The following CDC25A variants were observed in gnomAD, a reference collection of about 807,000 sequenced individuals.
CDC25A encodes cell division cycle 25A, also known as M-phase inducer phosphatase 1.
Under a neutral mutation model 64.6 loss-of-function variants are expected in CDC25A, and 17 were observed. The observed-to-expected ratio is 0.26, with a 90% CI of 0.18 to 0.39. The LOEUF is 0.39. CDC25A is among the 10% of genes least tolerant of loss of function. The pLI, the probability that CDC25A is intolerant of heterozygous loss-of-function variation, is 1.00. For synonymous variants in CDC25A, 229 were observed against 238.6 expected (o/e 0.96, Z 0.37); for missense variants, 473 against 654.8 (o/e 0.72, Z 3.03).
intron 9 of CDC25A, among the ~76,000 whole-genome samples, chr3:48,171,937 C>T (rs1426707030): frequency 6.6e-6 from 1 of 152,204 alleles, no homozygotes; most frequent in Non-Finnish European, 1.5e-5. Context: ...GGGAGGACTG[C>T]TTGAGCCCAG....
At chr3:48,175,599 A>G (rs182563096) in intron 8 of CDC25A, among the ~76,000 whole-genome samples, 26 of 152,214 alleles carry the variant, frequency 1.7e-4, no homozygotes, top group African/African-American at 6.0e-4. Context: ...TTTTGTGTGA[A>G]GTTTATTTTC....
At chr3:48,173,270 G>C (rs1447945430) in intron 9 of CDC25A, among the ~76,000 whole-genome samples, 1 of 150,002 alleles carries the variant, frequency 6.7e-6, no homozygotes, top group Admixed American at 6.6e-5. Flanking sequence ...GGCCATGATA[G>C]GTCTGGATTA....
intron 1 of CDC25A, 110 bp downstream of exon 1, chr3:48,187,668 A>G: frequency 9.0e-7 from 1 of 1,111,322 alleles, no homozygotes; most frequent in Non-Finnish European, 1.2e-6. Context: ...CGAGCGGCGA[A>G]CCCGGACGGA....
intron 8 of CDC25A, among the ~76,000 whole-genome samples, chr3:48,175,572 C>G (rs556790325): frequency 6.6e-6 from 1 of 152,134 alleles, no homozygotes; most frequent in East Asian, 1.9e-4. Flanking sequence ...CCATAGAGAC[C>G]GGGGATTTTC....
rs1203504897 is a variant in CDC25A at position 48,158,937 on chromosome 3, T to C, written c.*8A>G. The C allele has an allele frequency of 6.2e-7, 1 of 1,613,882 alleles. No individual in the cohort carries two copies. Among genetic ancestry groups the C allele is most frequent in the African/African-American group, 1.3e-5 (1 of 74,918 alleles). On this transcript the variant is annotated 3_prime_UTR_variant, in exon 15 of 15. Transcript: ENST00000302506. ...AGCTTGGGCTGCTGCTGGCTGGTCCTGCCGCCCTCAGAGCTTCTTCAGACG... is the reference window on the plus strand; with the variant it reads ...AGCTTGGGCTGCTGCTGGCTGGTCCCGCCGCCCTCAGAGCTTCTTCAGACG...
intron 10 of CDC25A, among the ~76,000 whole-genome samples, chr3:48,167,381 AG>A (rs2106706050): frequency 6.6e-6 from 1 of 152,362 alleles, no homozygotes; most frequent in African/African-American, 2.4e-5. Flanking sequence ...TCAGGCTATT[AG>A]AAGATCTTCC....
Position 48,167,839 on chromosome 3 carries a change from C to A in CDC25A, c.1029+7G>T. The stretch of plus-strand genomic sequence containing the variant: ...ACACTTGCCAGAGCAGCTCTGCTTG[C>A]AATTACCTTGGAGAAGTCTCCTATA... On this transcript the variant is annotated splice_region_variant and intron_variant, in intron 10 of 14. Coordinates refer to ENST00000302506, the MANE Select transcript of CDC25A (RefSeq NM_001789.3). 6.8e-7 allele frequency: 1 copy of A among 1,468,818 alleles called. No homozygotes were observed. Among genetic ancestry groups the A allele is most frequent in the South Asian group, 1.1e-5 (1 of 88,094 alleles). 91.0% of individuals were successfully genotyped at this position (1,468,818 alleles called of 1,614,324 possible). A position where few individuals can be genotyped will look rare whatever the true frequency, so the allele number is the denominator to read the frequency against.
At chr3:48,183,755 A>G in intron 4 of CDC25A, 45 bp downstream of exon 4, 1 of 1,243,808 alleles carries the variant, frequency 8.0e-7, no homozygotes, top group Non-Finnish European at 1.2e-6. Context: ...TAGCTAAGGA[A>G]CAGATAACAG....
intron 9 of CDC25A, among the ~76,000 whole-genome samples, chr3:48,169,294 G>A (rs2032177751): frequency 6.6e-6 from 1 of 152,160 alleles, no homozygotes; most frequent in African/African-American, 2.4e-5. Context: ...CTGAAACCCT[G>A]GTGAAATGAA....
In CDC25A at chr3:48,180,734, G is replaced by A. The variant is rs752459968; in HGVS notation, c.536C>T (p.Ala179Val). 6.2e-7 allele frequency: 1 copy of A among 1,614,048 alleles called. No individual in the cohort carries two copies. The highest frequency in any genetic ancestry group is 8.5e-7 in the Non-Finnish European group (1 of 1,179,930). ...CAGAGCACATACCATCCGAGCTGGG[G>A]CAGAGTTCTGCCTCTGTGTGAAGAG... ...KDLFTQRQNS[A>V]PARMLSSNER... The change falls in exon 6 of 15, where the codon GCC becomes GTC. Residue 179 changes from alanine to valine, a missense_variant. This residue lies in a region of CDC25A where 376 missense variants were observed against 431.9 expected (regional missense o/e 0.87). Transcript: ENST00000302506.
At chr3:48,172,849 G>C (rs2032317618) in intron 9 of CDC25A, among the ~76,000 whole-genome samples, 1 of 151,942 alleles carries the variant, frequency 6.6e-6, no homozygotes, top group South Asian at 2.1e-4. Context: ...GGGTGACAGA[G>C]AGACCCTGTC....
intron 8 of CDC25A, among the ~76,000 whole-genome samples, chr3:48,176,396 T>G (rs1305834128): frequency 6.6e-6 from 1 of 151,740 alleles, no homozygotes; most frequent in Non-Finnish European, 1.5e-5. Flanking sequence ...CATGTGTATG[T>G]GTGTGTATAT....
rs1282360306 is a variant in CDC25A at position 48,158,631 on chromosome 3, G to A, written c.*314C>T. ...TCCGTCTCCTCTCCCCTCATGAGAT[G>A]GCTGGAGCCCGATAAGGCCCCGGCT... On this transcript the variant is annotated 3_prime_UTR_variant, in exon 15 of 15. Coordinates refer to ENST00000302506, the MANE Select transcript of CDC25A (RefSeq NM_001789.3). 8.0e-6 allele frequency: 2 copies of A among 249,952 alleles called. No individual in the cohort carries two copies. Among genetic ancestry groups the A allele is most frequent in the East Asian group, 7.9e-5 (1 of 12,664 alleles). The allele number at this position is 249,952 out of a possible 1,614,324, so 15.5% of individuals were successfully genotyped here. A position where few individuals can be genotyped will look rare whatever the true frequency, so the allele number is the denominator to read the frequency against.
At position 48,174,378 on chromosome 3, in the gene CDC25A, G is replaced by A; in HGVS notation, c.836C>T (p.Ser279Phe). 6.2e-7 allele frequency: 1 copy of A among 1,614,158 alleles called. No homozygotes were observed. The highest frequency in any genetic ancestry group is 1.6e-4 in the Middle Eastern group (1 of 6,062). ...ACTTCCAGGTGGAGACTCCTCTTGA[G>A]ATCGTTCTGGTCTCTTCAACACTGA... Reference protein sequence around the residue: ...TRSVLKRPERSQEESPPGSTK... With the variant: ...TRSVLKRPERFQEESPPGSTK... The change falls in exon 9 of 15, where the codon TCT becomes TTT. Residue 279 changes from serine to phenylalanine, a missense_variant. Ser to Phe is a radical substitution (Grantham distance 155). This residue lies in a region of CDC25A where 376 missense variants were observed against 431.9 expected (regional missense o/e 0.87). Coordinates refer to ENST00000302506, the MANE Select transcript of CDC25A (RefSeq NM_001789.3).
intron 9 of CDC25A, among the ~76,000 whole-genome samples, chr3:48,169,057 T>C (rs2032168570): frequency 1.3e-5 from 2 of 152,228 alleles, no homozygotes. Flanking sequence ...TTAAATGTTT[T>C]AACCCATGAA....
chr3:48,175,839 C>T (rs1166353938), intron 8 of CDC25A, among the ~76,000 whole-genome samples: 1 of 152,202 alleles, frequency 6.6e-6, no homozygotes, highest in Admixed American at 6.5e-5. Context: ...AAAAGCTATG[C>T]ACATGAATGT....
At chr3:48,186,226 C>T (rs1009816245) in intron 2 of CDC25A, among the ~76,000 whole-genome samples, 2 of 152,166 alleles carry the variant, frequency 1.3e-5, no homozygotes, top group African/African-American at 4.8e-5. Context: ...CATTTGAAAC[C>T]TATTTCCTTT....
In CDC25A at chr3:48,157,374, T is replaced by C. The variant is rs1161206948; in HGVS notation, c.*1571A>G. Reference sequence around the variant, plus strand: ...AGGAAGAAGTCCTCTCCCCCACATTTTTCCCAACAAGATTGTTTTATAGCC... The same window carrying C: ...AGGAAGAAGTCCTCTCCCCCACATTCTTCCCAACAAGATTGTTTTATAGCC... On this transcript the variant is annotated 3_prime_UTR_variant, in exon 15 of 15. Coordinates refer to ENST00000302506, the MANE Select transcript of CDC25A (RefSeq NM_001789.3). 6.6e-6 allele frequency: 1 copy of C among 152,544 alleles called. No individual in the cohort carries two copies. The highest frequency in any genetic ancestry group is 1.5e-5 in the Non-Finnish European group (1 of 68,020). The allele number at this position is 152,544 out of a possible 1,614,324, so 9.4% of individuals were successfully genotyped here.
chr3:48,163,139 C>T (rs138427432), intron 13 of CDC25A, among the ~76,000 whole-genome samples: 3 of 151,388 alleles, frequency 2.0e-5, no homozygotes, highest in Non-Finnish European at 2.9e-5. Context: ...AAAAATTAGC[C>T]GGGTGTGGTG....
Sources: allele counts gnomAD v4.1 joint callset (sites outside exome capture counted in the v4.1 genomes callset), GRCh38; gene constraint gnomAD v4.1.1; regional missense constraint gnomAD v4.1.1; transcripts MANE v1.5; gene names NCBI Gene and HGNC (gene_info 2026-07-23, HGNC 2026-07-21).